Variants in FAM117B observed in about 807,000 individuals in gnomAD.
The protein encoded by FAM117B is family with sequence similarity 117 member B.
A neutral mutation model predicts 52.8 loss-of-function variants in FAM117B; 22 were observed. That is an observed-to-expected ratio of 0.42 (90% CI 0.30 to 0.59). The LOEUF is 0.59. FAM117B is among the 20% of genes least tolerant of loss of function. FAM117B has a pLI of 0.22. For synonymous variants in FAM117B, 309 were observed against 324.1 expected, an observed-to-expected ratio of 0.95 and a Z score of 0.50; for missense variants, 678 against 802.6, an observed-to-expected ratio of 0.84 and a Z score of 1.88.
intron 1 of FAM117B, 34 bp downstream of exon 1, chr2:202,635,822 C>A (rs532460037): frequency 1.4e-6 from 2 of 1,395,452 alleles, no homozygotes. Context: ...AAGGGGGAGG[C>A]GGCTGCGGGA....
intron 7 of FAM117B, 33 bp from the exon 8 acceptor site, chr2:202,765,413 T>G: frequency 6.4e-7 from 1 of 1,568,600 alleles, no homozygotes; most frequent in Non-Finnish European, 8.7e-7. Context: ...GTTCAGTGAC[T>G]TAAAAGCATT....
chr2:202,734,738 T>C (rs1437974228), intron 4 of FAM117B, among the ~76,000 whole-genome samples: 1 of 152,226 alleles, frequency 6.6e-6, no homozygotes, highest in East Asian at 1.9e-4. Context: ...TCTAAGTACA[T>C]AGTAATTTCT....
At chr2:202,733,675 T>C (rs1352555253) in intron 4 of FAM117B, among the ~76,000 whole-genome samples, 1 of 152,214 alleles carries the variant, frequency 6.6e-6, no homozygotes, top group African/African-American at 2.4e-5. Context: ...GTCAGAACTT[T>C]GGTTGTCTTC....
chr2:202,675,445 CAAAAAAA>C (rs386392341), intron 1 of FAM117B, among the ~76,000 whole-genome samples: 4 of 67,792 alleles, frequency 5.9e-5, no homozygotes, highest in African/African-American at 6.2e-5. Context: ...GACCTTATCT[CAAAAAAA>C]AAAAAAAAAA....
At chr2:202,707,706 C>T (rs1690893965) in intron 2 of FAM117B, among the ~76,000 whole-genome samples, 2 of 151,426 alleles carry the variant, frequency 1.3e-5, no homozygotes, top group Non-Finnish European at 2.9e-5. Context: ...GACTCTGTCT[C>T]AAAAGTCATT....
intron 4 of FAM117B, among the ~76,000 whole-genome samples, chr2:202,738,554 T>A (rs991487154): frequency 6.6e-6 from 1 of 152,172 alleles, no homozygotes; most frequent in Non-Finnish European, 1.5e-5. Context: ...TATCAAAGGA[T>A]AGGAAACTAC....
chr2:202,652,477 T>C (rs1262966453), intron 1 of FAM117B, among the ~76,000 whole-genome samples: 1 of 152,196 alleles, frequency 6.6e-6, no homozygotes, highest in African/African-American at 2.4e-5. Context: ...TTATGGACTT[T>C]AGAATTTAAG....
At chr2:202,752,199 CT>C (rs1050461624) in intron 4 of FAM117B, among the ~76,000 whole-genome samples, 2 of 152,058 alleles carry the variant, frequency 1.3e-5, no homozygotes, top group African/African-American at 4.8e-5. Flanking sequence ...AGCATTCATG[CT>C]TTAGACGCCA....
chr2:202,742,933 T>C (rs2105794136), intron 4 of FAM117B, among the ~76,000 whole-genome samples: 1 of 152,290 alleles, frequency 6.6e-6, no homozygotes, highest in South Asian at 2.1e-4. Flanking sequence ...CTGCTGCCAC[T>C]GAGTCACACA....
chr2:202,651,509 A>T lies in FAM117B; in HGVS notation c.601+15721A>T, dbSNP rs552326147. On this transcript the variant is annotated intron_variant, in intron 1 of 7. Transcript: ENST00000392238. ...TGCCTCGGCCTCCTGAGTAGCTGGG[A>T]TTATAGTCGCTCACGACCATGCCTG... is the stretch of plus-strand genomic sequence containing the variant. 2.0e-5 allele frequency among the ~76,000 whole-genome samples: 3 copies of T among 150,188 alleles called. No homozygotes were observed. The East Asian group carries it at 6.0e-4, about 30-fold the overall frequency.
At position 202,724,112 on chromosome 2, in the gene FAM117B, C is replaced by CG. The variant is rs749034422; in HGVS notation, c.754-803dup. Among the ~76,000 whole-genome samples the CG allele has an allele frequency of 1.4e-4, 17 of 119,510 alleles. No homozygotes were observed. The East Asian group carries it at 4.7e-3, about 33-fold the overall frequency. The allele number at this position is 119,510 out of a possible 152,430, so 78.4% of individuals were successfully genotyped here. A position where few individuals can be genotyped will look rare whatever the true frequency, so the allele number is the denominator to read the frequency against. On this transcript the variant is annotated intron_variant, in intron 2 of 7. Transcript: ENST00000392238. ...TCCCTCTGTCATCCAGGCTGGAGTACGGTGGCACGATCTCGGCTCACTGCA... is the reference window on the plus strand; with the variant it reads ...TCCCTCTGTCATCCAGGCTGGAGTACGGGTGGCACGATCTCGGCTCACTGCA...
chr2:202,715,909 G>A (rs919113350), intron 2 of FAM117B, among the ~76,000 whole-genome samples: 6 of 152,296 alleles, frequency 3.9e-5, no homozygotes, highest in Admixed American at 2.6e-4. Flanking sequence ...GCAAAACCCC[G>A]TCTCCACCAA....
At chr2:202,698,119 C>G (rs1690741078) in intron 2 of FAM117B, among the ~76,000 whole-genome samples, 1 of 152,202 alleles carries the variant, frequency 6.6e-6, no homozygotes, top group Admixed American at 6.5e-5. Context: ...GATCTGCCAG[C>G]CTCCCAAAGT....
chr2:202,750,173 TG>T (rs1349307642), intron 4 of FAM117B, among the ~76,000 whole-genome samples: 2 of 152,186 alleles, frequency 1.3e-5, no homozygotes, highest in African/African-American at 4.8e-5. Context: ...GACTCTCTGG[TG>T]TCCTCTTGGA....
At chr2:202,740,079 A>G (rs1260225693) in intron 4 of FAM117B, among the ~76,000 whole-genome samples, 4 of 144,910 alleles carry the variant, frequency 2.8e-5, no homozygotes, top group Non-Finnish European at 4.5e-5. Context: ...AGGCTGAGGC[A>G]GGAGAATGGC....
chr2:202,674,418 A>G (rs1474195270), intron 1 of FAM117B, among the ~76,000 whole-genome samples: 23 of 152,228 alleles, frequency 1.5e-4, no homozygotes, highest in Admixed American at 1.5e-3. Context: ...CCAGTTGGTA[A>G]TAATACTTAG....
chr2:202,637,321 G>T (rs1689702852), intron 1 of FAM117B, among the ~76,000 whole-genome samples: 1 of 151,876 alleles, frequency 6.6e-6, no homozygotes, highest in Non-Finnish European at 1.5e-5. Context: ...GCAGTTATGT[G>T]ATCTCGGCTC....
At chr2:202,712,877 C>T (rs1322662066) in intron 2 of FAM117B, among the ~76,000 whole-genome samples, 1 of 152,022 alleles carries the variant, frequency 6.6e-6, no homozygotes, top group African/African-American at 2.4e-5. Flanking sequence ...TCCTTGCATC[C>T]CTGGGATAAA....
chr2:202,649,370 G>A (rs1467441080), intron 1 of FAM117B, among the ~76,000 whole-genome samples: 3 of 152,072 alleles, frequency 2.0e-5, no homozygotes, highest in African/African-American at 4.8e-5. Context: ...CTAGAGCACT[G>A]CTGTCTAGTA....
Sources: gnomAD v4.1 joint callset for allele counts (sites outside exome capture counted in the v4.1 genomes callset) on GRCh38, gnomAD v4.1.1 for gene constraint, MANE v1.5 for transcripts, NCBI Gene and HGNC (gene_info 2026-07-23, HGNC 2026-07-21) for gene names.